The following SIGLEC12 variants were observed in gnomAD, a reference collection of about 807,000 sequenced individuals.
SIGLEC12 encodes the protein sialic acid binding Ig like lectin 12.
Under a neutral mutation model 54.1 loss-of-function variants are expected in SIGLEC12, and 43 were observed. That is an observed-to-expected ratio of 0.80 (90% CI 0.62 to 1.03). The LOEUF is 1.03. SIGLEC12 is among the 50% of genes least tolerant of loss of function. The probability of loss-of-function intolerance (pLI) is 0.00; values close to 1 mark genes in which losing one functional copy is unlikely to be tolerated. For missense variants in SIGLEC12, 802 were observed against 735.2 expected, an observed-to-expected ratio of 1.09 and a Z score of -1.05; for synonymous variants, 357 against 307.6, an observed-to-expected ratio of 1.16 and a Z score of -1.68.
Position 51,501,613 on chromosome 19 carries a change from A to G in SIGLEC12, c.121T>C (p.Ser41Pro), listed in dbSNP as rs144228959. The G allele has an allele frequency of 6.2e-7, 1 of 1,614,136 alleles. No individual in the cohort carries two copies. The highest frequency in any genetic ancestry group is 8.5e-7 in the Non-Finnish European group (1 of 1,179,990). ...SVTVQEGLCV[S>P]VLCSFSYPQN... ...GGGTAGGAGAAGGAGCAAAGCACAG[A>G]GACACACAGGCCCTCCTGCACCGTC... Residue 41 changes from serine to proline, a missense_variant, in exon 1 of 8, where the codon TCT becomes CCT. Ser to Pro is a moderately conservative substitution (Grantham distance 74). Coordinates refer to ENST00000291707, the MANE Select transcript of SIGLEC12 (RefSeq NM_053003.4).
Position 51,491,804 on chromosome 19 carries a change from T to G in SIGLEC12, c.1625A>C (p.Asp542Ala), listed in dbSNP as rs1990109696. ...SQGPLIESPA[D>A]DSPPHHAPPA... ...CGGAGCATGGTGTGGGGGGCTGTCA[T>G]CTGCCGGGGATTCAATCAGGGGTCC... Residue 542 changes from aspartate to alanine, a missense_variant, in exon 8 of 8, where the codon GAT (aspartate) becomes GCT (alanine). Physicochemically the swap from Asp to Ala is moderately radical, Grantham distance 126. Transcript: ENST00000291707. The G allele has an allele frequency of 6.3e-7, 1 of 1,583,186 alleles. No homozygotes were observed. The highest frequency in any genetic ancestry group is 1.7e-5 in the Admixed American group (1 of 57,278).
intron 7 of SIGLEC12, among the ~76,000 whole-genome samples, chr19:51,495,125 C>T (rs73051333): frequency 0.082 from 10,619 of 129,654 alleles, 791 homozygotes; most frequent in Middle Eastern, 0.18. Context: ...CCGTAGATGG[C>T]TGGATGGATG....
intron 7 of SIGLEC12, among the ~76,000 whole-genome samples, chr19:51,492,176 G>C (rs1990122682): frequency 6.6e-6 from 1 of 152,164 alleles, no homozygotes; most frequent in African/African-American, 2.4e-5. Flanking sequence ...CTGGAGTCCT[G>C]CTGAGGCCTC....
rs1394575942 is a variant in SIGLEC12, at chr19:51,491,708, C to T, written c.1721G>A (p.Arg574Lys). ...CTCCTGTTCCTGTGGGTACTGAGGC[C>T]TCGCTTTGTGGAAGCTGAGGGATGC... is the stretch of plus-strand genomic sequence containing the variant. ...QYASLSFHKA[R>K]PQYPQEQEAI... The change falls in exon 8 of 8, where the codon AGG becomes AAG. Residue 574 changes from arginine to lysine, a missense_variant. By Grantham distance (26) the Arg-to-Lys change is conservative. Coordinates refer to ENST00000291707, the MANE Select transcript of SIGLEC12 (RefSeq NM_053003.4). 1 of 1,613,834 alleles carries T rather than the reference C, an allele frequency of 6.2e-7. No individual in the cohort carries two copies. Among genetic ancestry groups the T allele is most frequent in the Admixed American group, 1.7e-5 (1 of 60,002 alleles).
chr19:51,497,740 AT>A (rs1209207955), intron 5 of SIGLEC12, among the ~76,000 whole-genome samples: 1 of 152,096 alleles, frequency 6.6e-6, no homozygotes, highest in Non-Finnish European at 1.5e-5. Flanking sequence ...GAGTTGTTTT[AT>A]TTTTGGTTCT....
rs11668530 is a variant in SIGLEC12 at position 51,498,231 on chromosome 19, G to A, written c.1192C>T (p.His398Tyr). The A allele has an allele frequency of 0.5, 802,178 of 1,613,706 alleles. 207,734 individuals are homozygous for A. Among genetic ancestry groups the A allele is most frequent in the Admixed American group, 0.57 (34,098 of 59,980 alleles). The change falls in exon 5 of 8, where the codon CAC becomes TAC. Residue 398 changes from histidine (H) to tyrosine (Y), a missense_variant. By Grantham distance (83) the His-to-Tyr change is moderately conservative. Coordinates refer to ENST00000291707, the MANE Select transcript of SIGLEC12 (RefSeq NM_053003.4). ...TTGCTGTCGACAGCACAGACAAGGT[G>A]CAGGGACTGGCCCTCCAGGACTGAA... ...ALSVLEGQSL[H>Y]LVCAVDSNPP...
Position 51,491,835 on chromosome 19 carries a change from T to G in SIGLEC12, c.1600-6A>C. The stretch of plus-strand genomic sequence containing the variant: ...GGGGATTCAATCAGGGGTCCCTGAA[T>G]GGAGGAAGAGAAGGGAGTCAGTGCA... On this transcript the variant is annotated splice_polypyrimidine_tract_variant and splice_region_variant and intron_variant, in intron 7 of 7. Coordinates refer to ENST00000291707, the MANE Select transcript of SIGLEC12 (RefSeq NM_053003.4). The G allele has an allele frequency of 6.5e-7, 1 of 1,548,164 alleles. No homozygotes were observed. Among genetic ancestry groups the G allele is most frequent in the Non-Finnish European group, 8.7e-7 (1 of 1,150,954 alleles).
At position 51,501,537 on chromosome 19, in the gene SIGLEC12, G is replaced by GC. The variant is rs66949844; in HGVS notation, c.196dup (p.Ala66GlyfsTer50). The GC allele has an allele frequency of 0.65, 1,055,663 of 1,613,324 alleles. 348,684 individuals are homozygous for GC. The highest frequency in any genetic ancestry group is 0.75 in the Admixed American group (45,161 of 59,976). ...AATGTTCCGGCTTACATGGTCCCCTGCCCGGAACCAGTAGCCATGAACTGG... is the reference window on the plus strand; with the variant it reads ...AATGTTCCGGCTTACATGGTCCCCTGCCCCGGAACCAGTAGCCATGAACTGG... On this transcript the variant is annotated frameshift_variant, in exon 1 of 8. Coordinates refer to ENST00000291707, the MANE Select transcript of SIGLEC12 (RefSeq NM_053003.4). LOFTEE classifies it high-confidence loss of function.
At chr19:51,493,552 T>C (rs1220174987) in intron 7 of SIGLEC12, among the ~76,000 whole-genome samples, 1 of 152,092 alleles carries the variant, frequency 6.6e-6, no homozygotes, top group African/African-American at 2.4e-5. Context: ...CCTCCTTTTT[T>C]CCCCCAGATC....
At chr19:51,493,670 T>G (rs1446829338) in intron 7 of SIGLEC12, among the ~76,000 whole-genome samples, 1 of 152,198 alleles carries the variant, frequency 6.6e-6, no homozygotes, top group Non-Finnish European at 1.5e-5. Flanking sequence ...TCATTCACAT[T>G]GTACACCCAA....
intron 7 of SIGLEC12, among the ~76,000 whole-genome samples, chr19:51,494,384 A>T (rs369895661): frequency 1.3e-5 from 2 of 152,256 alleles, no homozygotes; most frequent in African/African-American, 4.8e-5. Context: ...AGAAAATGCA[A>T]ATCAAAGCCT....
chr19:51,497,984 T>A (rs747553871), intron 5 of SIGLEC12, 34 bp downstream of exon 5: 2 of 1,611,204 alleles, frequency 1.2e-6, no homozygotes, highest in East Asian at 2.2e-5. Context: ...GTGGGACATG[T>A]GTGTTCTCCT....
intron 4 of SIGLEC12, among the ~76,000 whole-genome samples, chr19:51,498,504 G>C (rs963819076): frequency 2.6e-5 from 4 of 152,178 alleles, no homozygotes; most frequent in Non-Finnish European, 4.4e-5. Context: ...ATATGACACT[G>C]CTATATTTTG....
At chr19:51,499,044 G>T in intron 4 of SIGLEC12, 126 bp downstream of exon 4, 1 of 913,416 alleles carries the variant, frequency 1.1e-6, no homozygotes, top group Non-Finnish European at 1.8e-6. Context: ...CCAAAAGGCT[G>T]AGGCTGAGGG....
chr19:51,494,604 A>G (rs913801147), intron 7 of SIGLEC12, among the ~76,000 whole-genome samples: 5 of 152,232 alleles, frequency 3.3e-5, no homozygotes, highest in Non-Finnish European at 5.9e-5. Flanking sequence ...CAGAAACCCT[A>G]CTTGTGGATA....
At chr19:51,496,721 G>A (rs1990248331) in intron 7 of SIGLEC12, among the ~76,000 whole-genome samples, 159 bp downstream of exon 7, 1 of 152,146 alleles carries the variant, frequency 6.6e-6, no homozygotes, top group Non-Finnish European at 1.5e-5. Flanking sequence ...AGGATGGGAT[G>A]GGGAGGGCAA....
intron 5 of SIGLEC12, 64 bp downstream of exon 5, chr19:51,497,954 C>T: frequency 6.3e-7 from 1 of 1,587,304 alleles, no homozygotes; most frequent in African/African-American, 1.3e-5. Flanking sequence ...AATTCCAGGT[C>T]TCCCAGCTGG....
At chr19:51,495,119 A>G (rs1990188337) in intron 7 of SIGLEC12, among the ~76,000 whole-genome samples, 1 of 144,698 alleles carries the variant, frequency 6.9e-6, no homozygotes. Flanking sequence ...TTTCCACCGT[A>G]GATGGCTGGA....
chr19:51,496,945 G>T lies in SIGLEC12; in HGVS notation c.1534C>A (p.Pro512Thr). The change falls in exon 7 of 8, where the codon CCA becomes ACA. Residue 512 changes from proline (P) to threonine (T), a missense_variant. Pro to Thr is a conservative substitution (Grantham distance 38, BLOSUM62 -1). Coordinates refer to ENST00000291707, the MANE Select transcript of SIGLEC12 (RefSeq NM_053003.4). Reference sequence around the variant, plus strand: ...CCTGTATCCCCCACGCCCACTGCTGGCCTTGCCGATTTCTTCCTGCAGGAC... The same window carrying T: ...CCTGTATCCCCCACGCCCACTGCTGTCCTTGCCGATTTCTTCCTGCAGGAC... ...VRSCRKKSAR[P>T]AVGVGDTGME... 1 of 1,613,600 alleles carries T rather than the reference G, an allele frequency of 6.2e-7. No homozygotes were observed. The highest frequency in any genetic ancestry group is 8.5e-7 in the Non-Finnish European group (1 of 1,180,018).
Sources: allele counts gnomAD v4.1 joint callset (sites outside exome capture counted in the v4.1 genomes callset), GRCh38; gene constraint gnomAD v4.1.1; transcripts MANE v1.5; gene names NCBI Gene and HGNC (gene_info 2026-07-23, HGNC 2026-07-21).